Variants in PPM1H observed in about 807,000 individuals in gnomAD.
PPM1H encodes the protein protein phosphatase, Mg2+/Mn2+ dependent 1H.
Under a neutral mutation model 54.9 loss-of-function variants are expected in PPM1H, and 27 were observed. The observed-to-expected ratio is 0.49, with a 90% CI of 0.36 to 0.68. The LOEUF is 0.68. Ranked by LOEUF, PPM1H falls within the 30% of genes least tolerant of loss-of-function variation. The pLI, the probability that PPM1H is intolerant of heterozygous loss-of-function variation, is 0.00. For missense variants in PPM1H, 596 were observed against 667.8 expected, an observed-to-expected ratio of 0.89 and a Z score of 1.19; for synonymous variants, 305 against 270.8, an observed-to-expected ratio of 1.13 and a Z score of -1.24.
At chr12:62,902,418 T>G (rs774207577) in intron 1 of PPM1H, among the ~76,000 whole-genome samples, 3 of 151,866 alleles carry the variant, frequency 2.0e-5, no homozygotes, top group Non-Finnish European at 4.4e-5. Flanking sequence ...TTAAAAAAAT[T>G]TAGGATTTTT....
At chr12:62,777,540 G>T (rs1037320412) in intron 4 of PPM1H, among the ~76,000 whole-genome samples, 7 of 152,148 alleles carry the variant, frequency 4.6e-5, no homozygotes, top group African/African-American at 2.4e-5. Context: ...ACGATGAACT[G>T]TAAAAGTTTA....
intron 4 of PPM1H, among the ~76,000 whole-genome samples, chr12:62,764,944 A>AGGCTTT (rs2076532637): frequency 6.6e-6 from 1 of 152,216 alleles, no homozygotes; most frequent in Non-Finnish European, 1.5e-5. Context: ...CGTGCCGCTT[A>AGGCTTT]GTTAGGAAGA....
chr12:62,857,757 C>T (rs923326575), intron 1 of PPM1H, among the ~76,000 whole-genome samples: 4 of 152,088 alleles, frequency 2.6e-5, no homozygotes, highest in African/African-American at 7.2e-5. Flanking sequence ...AATTAGACCA[C>T]CCTTGCTTGC....
chr12:62,826,130 C>G (rs1868288949), intron 2 of PPM1H, among the ~76,000 whole-genome samples: 1 of 152,152 alleles, frequency 6.6e-6, no homozygotes, highest in Non-Finnish European at 1.5e-5. Flanking sequence ...TAAATCTTAA[C>G]ACCAATTCAT....
chr12:62,815,253 A>G (rs758759713), intron 2 of PPM1H, among the ~76,000 whole-genome samples: 1 of 151,996 alleles, frequency 6.6e-6, no homozygotes, highest in Non-Finnish European at 1.5e-5. Context: ...CCTTAATTTC[A>G]TATACTTTAA....
Position 62,934,342 on chromosome 12 carries a change from C to G in PPM1H, c.245+150G>C. Reference sequence around the variant, plus strand: ...GGGAGTGGGGAGAAGAGGGAAATGGCCAGTGTAAGTAAAGAGCTCCCCGCC... The same window carrying G: ...GGGAGTGGGGAGAAGAGGGAAATGGGCAGTGTAAGTAAAGAGCTCCCCGCC... On this transcript the variant is annotated intron_variant, in intron 1 of 9. Transcript: ENST00000228705. This position sits in a 1 kb window ranked among gnomAD's most constrained non-coding sequence, Gnocchi z 4.2. 1.7e-6 allele frequency: 2 copies of G among 1,146,486 alleles called. No individual in the cohort carries two copies. Among genetic ancestry groups the G allele is most frequent in the Non-Finnish European group, 2.3e-6 (2 of 855,350 alleles). The allele number at this position is 1,146,486 out of a possible 1,614,324, so 71.0% of individuals were successfully genotyped here.
At position 62,844,697 on chromosome 12, in the gene PPM1H, T is replaced by C. The variant is rs1868892540; in HGVS notation, c.246-12418A>G. 6.6e-6 allele frequency among the ~76,000 whole-genome samples: 1 copy of C among 152,246 alleles called. No individual in the cohort carries two copies. The highest frequency in any genetic ancestry group is 2.4e-5 in the African/African-American group (1 of 41,462). On this transcript the variant is annotated intron_variant, in intron 1 of 9. Transcript: ENST00000228705. This position sits in a 1 kb window ranked among gnomAD's most constrained non-coding sequence, Gnocchi z 5.2. The stretch of plus-strand genomic sequence containing the variant: ...TTGTGTGTTTATTTCAGTTGTGTTC[T>C]CCCTATCTCAAATCACATAGCACGG...
intron 4 of PPM1H, chr12:62,755,450 T>C (rs1373862258): frequency 7.2e-6 from 5 of 694,624 alleles, no homozygotes; most frequent in Admixed American, 3.6e-5. Flanking sequence ...CCTATCACCA[T>C]CTTCCAGGAG....
In PPM1H at chr12:62,659,392, A is replaced by C. The variant is rs561706312; in HGVS notation, c.1397+7786T>G. Among the ~76,000 whole-genome samples, 135 of 152,252 alleles carry C rather than the reference A, an allele frequency of 8.9e-4. 1 individual carries two copies. The highest frequency in any genetic ancestry group is 5.2e-3 in the South Asian group (25 of 4,830). ...CAGTTCAAAAGAGCAAAAGGACTTAAGATACACCAGGGTCAGAAAGATCAT... is the reference window on the plus strand; with the variant it reads ...CAGTTCAAAAGAGCAAAAGGACTTACGATACACCAGGGTCAGAAAGATCAT... On this transcript the variant is annotated intron_variant, in intron 9 of 9. Transcript: ENST00000228705.
intron 4 of PPM1H, among the ~76,000 whole-genome samples, chr12:62,753,344 C>T (rs565024079): frequency 2.0e-5 from 3 of 152,172 alleles, no homozygotes; most frequent in African/African-American, 7.2e-5. Flanking sequence ...TCCTCATGCT[C>T]GAAAGAGTTC....
intron 9 of PPM1H, among the ~76,000 whole-genome samples, chr12:62,649,456 T>C (rs2075804466): frequency 6.6e-6 from 1 of 152,178 alleles, no homozygotes. Flanking sequence ...TGGGTGGGTA[T>C]GGGCCTGGGT....
intron 1 of PPM1H, among the ~76,000 whole-genome samples, chr12:62,927,728 T>C (rs974462689): frequency 4.6e-5 from 7 of 151,812 alleles, no homozygotes; most frequent in African/African-American, 9.7e-5. Flanking sequence ...GACCATTTTA[T>C]ATTCTTAAGT....
chr12:62,740,174 A>C (rs1200727593), intron 4 of PPM1H, among the ~76,000 whole-genome samples: 1 of 152,192 alleles, frequency 6.6e-6, no homozygotes, highest in East Asian at 1.9e-4. Flanking sequence ...AATTGATAAT[A>C]ATCTACATTC....
At chr12:62,673,522 A>G (rs2075967865) in intron 8 of PPM1H, among the ~76,000 whole-genome samples, 1 of 152,060 alleles carries the variant, frequency 6.6e-6, no homozygotes, top group Admixed American at 6.6e-5. Context: ...GGATGCCCTC[A>G]CAGCTTTTGT....
intron 6 of PPM1H, 58 bp downstream of exon 6, chr12:62,720,113 G>A (rs971749278): frequency 7.1e-7 from 1 of 1,399,474 alleles, no homozygotes; most frequent in African/African-American, 1.4e-5. Context: ...GTTTATGGTG[G>A]TGATGCTTCC....
chr12:62,931,637 G>T lies in PPM1H; in HGVS notation c.245+2855C>A, dbSNP rs547997607. Among the ~76,000 whole-genome samples the T allele has an allele frequency of 1.3e-4, 20 of 152,300 alleles. 1 individual carries two copies. In the South Asian group the frequency reaches 4.1e-3, roughly 32 times the overall value. Reference sequence around the variant, plus strand: ...ATCTACTGTAGAGAACGAGTTTGGTGTTGCGAGCTCTGGAGTCAGACTGCC... The same window carrying T: ...ATCTACTGTAGAGAACGAGTTTGGTTTTGCGAGCTCTGGAGTCAGACTGCC... On this transcript the variant is annotated intron_variant, in intron 1 of 9. Transcript: ENST00000228705.
intron 1 of PPM1H, among the ~76,000 whole-genome samples, chr12:62,858,464 T>TCA (rs5798661): frequency 6.6e-6 from 1 of 151,812 alleles, no homozygotes; most frequent in African/African-American, 2.4e-5. Flanking sequence ...TTGTTGTTGT[T>TCA]GTTTTTTTCA....
chr12:62,892,815 C>A (rs965174522), intron 1 of PPM1H, among the ~76,000 whole-genome samples: 2 of 151,994 alleles, frequency 1.3e-5, no homozygotes, highest in African/African-American at 4.8e-5. Flanking sequence ...ATGTACATTT[C>A]AAAAGTAAGG....
At position 62,743,072 on chromosome 12, in the gene PPM1H, C is replaced by T. The variant is rs978638639; in HGVS notation, c.870-5486G>A. 1.5e-4 allele frequency among the ~76,000 whole-genome samples: 23 copies of T among 152,064 alleles called. 1 individual carries two copies. Among genetic ancestry groups the T allele is most frequent in the Admixed American group, 2.6e-4 (4 of 15,272 alleles). ...CATTAATAGTTTAAAAAACTCAGGC[C>T]GGGCGCAGTGGCTCATGTCTGTAAT... is the stretch of plus-strand genomic sequence containing the variant. On this transcript the variant is annotated intron_variant, in intron 4 of 9. Transcript: ENST00000228705.
Sources: allele counts gnomAD v4.1 joint callset (sites outside exome capture counted in the v4.1 genomes callset), GRCh38; gene constraint gnomAD v4.1.1; non-coding constraint Gnocchi (gnomAD v3.1); transcripts MANE v1.5; gene names NCBI Gene and HGNC (gene_info 2026-07-23, HGNC 2026-07-21).